The following GRIA1 variants were observed in gnomAD, a reference collection of about 807,000 sequenced individuals.
The protein encoded by GRIA1 is glutamate ionotropic receptor AMPA type subunit 1, also known as glutamate receptor 1.
GRIA1 carries 31 observed loss-of-function variants against 99.2 expected under a neutral mutation model. The ratio of observed to expected loss-of-function variants is 0.31; its 90% CI spans 0.23 to 0.42. GRIA1 has a LOEUF of 0.42. GRIA1 is among the 10% of genes least tolerant of loss of function. GRIA1 has a pLI of 1.00. For synonymous variants in GRIA1, 438 were observed against 432.4 expected, an observed-to-expected ratio of 1.01 and a Z score of -0.16; for missense variants, 782 against 1,157.5, an observed-to-expected ratio of 0.68 and a Z score of 4.71.
intron 2 of GRIA1, among the ~76,000 whole-genome samples, chr5:153,606,038 T>C (rs1765407971): frequency 6.6e-6 from 1 of 152,168 alleles, no homozygotes; most frequent in Non-Finnish European, 1.5e-5. Flanking sequence ...ATCAGGAATA[T>C]ATTCTTCTAT....
intron 11 of GRIA1, among the ~76,000 whole-genome samples, chr5:153,741,550 C>T (rs1485183362): frequency 6.6e-6 from 1 of 152,106 alleles, no homozygotes; most frequent in Non-Finnish European, 1.5e-5. Context: ...GTGGTGTACA[C>T]ATACAGTGGA....
At chr5:153,798,451 A>G (rs186563097) in intron 14 of GRIA1, among the ~76,000 whole-genome samples, 18 of 152,348 alleles carry the variant, frequency 1.2e-4, no homozygotes, top group Non-Finnish European at 2.2e-4. Flanking sequence ...GGCTTCCCCT[A>G]AAAATCCAGG....
chr5:153,726,323 T>G (rs1305140362), intron 11 of GRIA1, among the ~76,000 whole-genome samples: 1 of 148,042 alleles, frequency 6.8e-6, no homozygotes, highest in African/African-American at 2.5e-5. Flanking sequence ...ACATCACAAT[T>G]AAAAGAACTA....
At chr5:153,673,092 C>T (rs1357854730) in intron 5 of GRIA1, among the ~76,000 whole-genome samples, 1 of 152,180 alleles carries the variant, frequency 6.6e-6, no homozygotes, top group East Asian at 1.9e-4. Context: ...CCTTTCCCAC[C>T]CTTTCTCTTC....
chr5:153,757,105 GCAA>G lies in GRIA1; in HGVS notation c.1824-7322_1824-7320del, dbSNP rs1419227406. On this transcript the variant is annotated intron_variant, in intron 11 of 15. Transcript: ENST00000285900. ...AATTCAGCAATTTAACAGAGAGATTGCAACAACAAAAAAATCTGGAACTGAAAA... is the reference window on the plus strand; with the variant it reads ...AATTCAGCAATTTAACAGAGAGATTGCAACAAAAAAATCTGGAACTGAAAA... Among the ~76,000 whole-genome samples the G allele has an allele frequency of 2.0e-5, 3 of 152,126 alleles. No homozygotes were observed. In the East Asian group the frequency reaches 5.8e-4, roughly 29 times the overall value.
At chr5:153,552,977 C>A (rs1181701746) in intron 2 of GRIA1, among the ~76,000 whole-genome samples, 1 of 152,128 alleles carries the variant, frequency 6.6e-6, no homozygotes, top group Non-Finnish European at 1.5e-5. Context: ...GTTGCCCTGG[C>A]TGGTTTCAAA....
At chr5:153,589,925 A>T (rs1763809528) in intron 2 of GRIA1, among the ~76,000 whole-genome samples, 1 of 152,188 alleles carries the variant, frequency 6.6e-6, no homozygotes, top group South Asian at 2.1e-4. Context: ...TCACAGAATC[A>T]ATGTGATTGC....
intron 2 of GRIA1, among the ~76,000 whole-genome samples, chr5:153,533,887 G>T (rs964176794): frequency 6.6e-6 from 1 of 152,196 alleles, no homozygotes; most frequent in African/African-American, 2.4e-5. Flanking sequence ...GAAAAGGGAA[G>T]CTTATCTGAG....
chr5:153,536,664 A>G (rs1282675678), intron 2 of GRIA1, among the ~76,000 whole-genome samples: 3 of 152,192 alleles, frequency 2.0e-5, no homozygotes, highest in African/African-American at 7.2e-5. Context: ...GATAGTGAAA[A>G]TTTCAACTAA....
chr5:153,691,695 A>G (rs1044749542), intron 8 of GRIA1, among the ~76,000 whole-genome samples: 1 of 152,174 alleles, frequency 6.6e-6, no homozygotes, highest in African/African-American at 2.4e-5. Flanking sequence ...ATAGCATCAG[A>G]TATAGACATA....
chr5:153,666,669 A>T (rs1158343855), intron 5 of GRIA1, among the ~76,000 whole-genome samples: 1 of 152,188 alleles, frequency 6.6e-6, no homozygotes, highest in Non-Finnish European at 1.5e-5. Flanking sequence ...TCAATTTTTT[A>T]AATTTCTAAT....
chr5:153,708,883 G>A (rs1337795702), intron 11 of GRIA1, among the ~76,000 whole-genome samples: 1 of 152,214 alleles, frequency 6.6e-6, no homozygotes, highest in African/African-American at 2.4e-5. Context: ...AGAGTGAACT[G>A]CCAAAGGAAG....
At chr5:153,708,334 G>A (rs1427909096) in intron 11 of GRIA1, among the ~76,000 whole-genome samples, 4 of 152,114 alleles carry the variant, frequency 2.6e-5, no homozygotes, top group African/African-American at 9.7e-5. Flanking sequence ...CCCAGAGGGT[G>A]TTTGAGTTTG....
intron 11 of GRIA1, among the ~76,000 whole-genome samples, chr5:153,724,067 A>G (rs1760305719): frequency 6.6e-6 from 1 of 152,162 alleles, no homozygotes; most frequent in African/African-American, 2.4e-5. Flanking sequence ...GAACGATCAG[A>G]CAGCAGCATT....
upstream of GRIA1, chr5:153,490,650 G>A (rs949944083): frequency 2.3e-5 from 13 of 567,086 alleles, no homozygotes; most frequent in Non-Finnish European, 4.1e-5. Flanking sequence ...GCATGAGGAC[G>A]GGCTTCTTTT....
intron 11 of GRIA1, chr5:153,755,353 C>G (rs1012526743): frequency 1.3e-5 from 2 of 152,336 alleles, no homozygotes; most frequent in Admixed American, 6.5e-5. Flanking sequence ...GTCCAGTTCA[C>G]TCTCAAGTGA....
chr5:153,618,360 T>A (rs911390963), intron 2 of GRIA1, among the ~76,000 whole-genome samples: 1 of 152,186 alleles, frequency 6.6e-6, no homozygotes, highest in Non-Finnish European at 1.5e-5. Flanking sequence ...ATGAAAAAAA[T>A]TGCATCATTC....
intron 4 of GRIA1, among the ~76,000 whole-genome samples, chr5:153,653,605 T>C (rs188063536): frequency 2.1e-4 from 32 of 152,298 alleles, no homozygotes; most frequent in African/African-American, 6.5e-4. Flanking sequence ...CTGTTGAGGT[T>C]ATCCATCACA....
intron 2 of GRIA1, among the ~76,000 whole-genome samples, chr5:153,572,651 C>T (rs1363850292): frequency 6.6e-6 from 1 of 152,114 alleles, no homozygotes; most frequent in Non-Finnish European, 1.5e-5. Flanking sequence ...CTGGAAATGC[C>T]TCTGGCTATA....
Sources: gnomAD v4.1 joint callset for allele counts (sites outside exome capture counted in the v4.1 genomes callset) on GRCh38, gnomAD v4.1.1 for gene constraint, MANE v1.5 for transcripts, NCBI Gene and HGNC (gene_info 2026-07-23, HGNC 2026-07-21) for gene names.